PDE1A: variants seen among roughly 807,000 people sequenced by gnomAD.
PDE1A encodes phosphodiesterase 1A, also known as dual specificity calcium/calmodulin-dependent 3',5'-cyclic nucleotide phosphodiesterase 1A.
A neutral mutation model predicts 61.7 loss-of-function variants in PDE1A; 35 were observed. That is an observed-to-expected ratio of 0.57 (90% confidence interval 0.43 to 0.75). The LOEUF (loss-of-function observed/expected upper bound fraction) is 0.75, where lower values mean the gene tolerates loss of function less well. Ranked by LOEUF, PDE1A falls within the 30% of genes least tolerant of loss-of-function variation. The pLI, the probability that PDE1A is intolerant of heterozygous loss-of-function variation, is 0.00. For synonymous variants in PDE1A, 232 were observed against 213.2 expected (o/e 1.09, Z -0.77); for missense variants, 597 against 630.6 (o/e 0.95, Z 0.57).
At chr2:182,442,965 C>T (rs117182200) in intron 2 of PDE1A, among the ~76,000 whole-genome samples, 5 of 151,914 alleles carry the variant, frequency 3.3e-5, no homozygotes, top group East Asian at 3.9e-4. Context: ...CAAAACAATC[C>T]GTAATAAATA....
chr2:182,171,871 A>C (rs542437401), intron 13 of PDE1A, among the ~76,000 whole-genome samples: 2 of 151,648 alleles, frequency 1.3e-5, no homozygotes, highest in South Asian at 4.2e-4. Context: ...GCAACATCCA[A>C]CCCAATACTC....
the PDE1A span, among the ~76,000 whole-genome samples, chr2:182,694,623 G>A: frequency 6.6e-6 from 1 of 152,148 alleles, no homozygotes; most frequent in Non-Finnish European, 1.5e-5. Flanking sequence ...ACACATCTGT[G>A]TTAGAACAAA....
intron 1 of PDE1A, among the ~76,000 whole-genome samples, chr2:182,387,626 G>A (rs994199810): frequency 1.1e-4 from 16 of 151,948 alleles, no homozygotes; most frequent in East Asian, 7.7e-4. Context: ...GTGTGGTGGC[G>A]CAAGCCTGTA....
At chr2:182,440,253 A>G (rs1212552555) in intron 2 of PDE1A, among the ~76,000 whole-genome samples, 1 of 151,960 alleles carries the variant, frequency 6.6e-6, no homozygotes, top group Admixed American at 6.6e-5. Flanking sequence ...TTCTATAGAA[A>G]CTCACATATT....
chr2:182,440,073 C>T (rs976284313), intron 2 of PDE1A, among the ~76,000 whole-genome samples: 1 of 152,070 alleles, frequency 6.6e-6, no homozygotes, highest in African/African-American at 2.4e-5. Flanking sequence ...ACACTGCTGT[C>T]CCAGAGCATA....
exon 5 of PDE1A, chr2:182,231,054 A>G (rs1689538097): frequency 6.2e-7 from 1 of 1,606,914 alleles, no homozygotes; most frequent in Non-Finnish European, 8.5e-7. Flanking sequence ...TAAACAGTTC[A>G]TAAATCATAA....
At chr2:182,329,199 C>G (rs1377351035) in intron 1 of PDE1A, among the ~76,000 whole-genome samples, 1 of 152,094 alleles carries the variant, frequency 6.6e-6, no homozygotes, top group Non-Finnish European at 1.5e-5. Context: ...AATTGCCAAC[C>G]TCCTATTCCC....
In PDE1A at chr2:182,253,369, A is replaced by G. The variant is rs550927937; in HGVS notation, c.167+10932T>C. Among the ~76,000 whole-genome samples the G allele has an allele frequency of 3.9e-5, 6 of 152,330 alleles. No homozygotes were observed. The East Asian group carries it at 1.2e-3, about 29-fold the overall frequency. Reference sequence around the variant, plus strand: ...TTTTTAAAATCAGGAAGTCAATGATATCACCAAGGACTAAGGTTTCCTTTG... The same window carrying G: ...TTTTTAAAATCAGGAAGTCAATGATGTCACCAAGGACTAAGGTTTCCTTTG... On this transcript the variant is annotated intron_variant, in intron 2 of 13. Transcript: ENST00000351439.
intron 2 of PDE1A, among the ~76,000 whole-genome samples, chr2:182,242,931 GTGTA>G (rs1230354287): frequency 8.1e-6 from 1 of 122,852 alleles, no homozygotes; most frequent in East Asian, 2.6e-4. Flanking sequence ...TCTCTCGTGT[GTGTA>G]TGTGTGTGTG....
chr2:182,154,962 G>A (rs1486988178), intron 13 of PDE1A, among the ~76,000 whole-genome samples: 1 of 148,522 alleles, frequency 6.7e-6, no homozygotes, highest in Non-Finnish European at 1.5e-5. Flanking sequence ...AAAAAAACAA[G>A]GCATTCATAT....
intron 10 of PDE1A, among the ~76,000 whole-genome samples, chr2:182,191,774 C>T (rs2125423076): frequency 6.7e-6 from 1 of 149,288 alleles, no homozygotes; most frequent in African/African-American, 2.5e-5. Context: ...TATTTTTATA[C>T]TCTGTGGTAC....
At chr2:182,154,558 T>A (rs190399023) in intron 13 of PDE1A, among the ~76,000 whole-genome samples, 25 of 152,228 alleles carry the variant, frequency 1.6e-4, no homozygotes, top group African/African-American at 5.5e-4. Context: ...GTTCTCACGG[T>A]AGTGAATAAG....
At chr2:182,347,128 T>A (rs1434765589) in intron 1 of PDE1A, among the ~76,000 whole-genome samples, 2 of 38 alleles carry the variant, frequency 0.053, no homozygotes, top group Non-Finnish European at 0.1. Flanking sequence ...AAAAGCTGAG[T>A]TTTTTTTTTC....
intron 7 of PDE1A, among the ~76,000 whole-genome samples, chr2:182,213,361 TCTC>T (rs1687840981): frequency 1.3e-5 from 1 of 77,992 alleles, no homozygotes; most frequent in Non-Finnish European, 2.5e-5. Context: ...GCAGAGCGCC[TCTC>T]CTCCTCCAAA....
chr2:182,264,219 T>G, intron 2 of PDE1A, 82 bp downstream of exon 2: 1 of 870,108 alleles, frequency 1.1e-6, no homozygotes, highest in East Asian at 2.5e-5. Context: ...AAATTCCTGT[T>G]TGAGATAAAG....
In PDE1A at chr2:182,205,613, G is replaced by T. The variant is rs568877903; in HGVS notation, c.902+327C>A. On this transcript the variant is annotated intron_variant, in intron 8 of 13. Coordinates refer to ENST00000351439, the Ensembl canonical transcript of PDE1A. ...TATAATGCCAAAATTTTGAATTTAT[G>T]TAACACCCCATATTGATAAAAATTG... 7.9e-5 allele frequency among the ~76,000 whole-genome samples: 12 copies of T among 152,178 alleles called. No homozygotes were observed. The South Asian group carries it at 2.5e-3, about 32-fold the overall frequency.
At chr2:182,148,711 G>A (rs916771865) in intron 13 of PDE1A, among the ~76,000 whole-genome samples, 4 of 152,132 alleles carry the variant, frequency 2.6e-5, no homozygotes, top group African/African-American at 4.8e-5. Context: ...CTACACAGCC[G>A]TCTCTCCTTT....
At chr2:182,467,163 G>A (rs1159428400) in intron 2 of PDE1A, among the ~76,000 whole-genome samples, 2 of 151,254 alleles carry the variant, frequency 1.3e-5, no homozygotes, top group Non-Finnish European at 1.5e-5. Context: ...AGGGAGGGGA[G>A]GAAGAGAAAG....
At chr2:182,389,780 G>A (rs1701318422) in intron 1 of PDE1A, among the ~76,000 whole-genome samples, 1 of 152,150 alleles carries the variant, frequency 6.6e-6, no homozygotes. Flanking sequence ...ATCTGGGTGA[G>A]CACCATCTTA....
Sources: gnomAD v4.1 joint callset for allele counts (sites outside exome capture counted in the v4.1 genomes callset) on GRCh38, gnomAD v4.1.1 for gene constraint, MANE v1.5 for transcripts, NCBI Gene and HGNC (gene_info 2026-07-23, HGNC 2026-07-21) for gene names.